Variants in ADORA2B observed in about 807,000 individuals in gnomAD.
ADORA2B encodes adenosine receptor A2b.
ADORA2B carries 18 observed loss-of-function variants against 20.8 expected under a neutral mutation model. That is an observed-to-expected ratio of 0.87 (90% CI 0.60 to 1.29). The LOEUF is 1.29. Among genes scored for constraint, ADORA2B ranks in the 50% most tolerant of loss-of-function variants. The pLI is 0.00. For synonymous variants in ADORA2B, 179 were observed against 178.3 expected (o/e 1.00, Z -0.03); for missense variants, 441 against 422.7 (o/e 1.04, Z -0.38).
the ADORA2B span, among the ~76,000 whole-genome samples, chr17:15,860,606 A>AT: frequency 1.3e-5 from 2 of 152,072 alleles, no homozygotes; most frequent in Non-Finnish European, 2.9e-5. Context: ...ATTCACAATA[A>AT]TTTTTGAACA....
At chr17:15,875,484 A>T in the ADORA2B span, among the ~76,000 whole-genome samples, 1 of 152,214 alleles carries the variant, frequency 6.6e-6, no homozygotes, top group South Asian at 2.1e-4. Context: ...AGTGTCATTC[A>T]TAGATTAGCC....
At chr17:15,957,745 A>C (rs1017426233) in intron 1 of ADORA2B, among the ~76,000 whole-genome samples, 1 of 152,026 alleles carries the variant, frequency 6.6e-6, no homozygotes, top group African/African-American at 2.4e-5. Context: ...ATTCCTGCAC[A>C]GCAGCCTCTT....
chr17:15,870,893 C>T, the ADORA2B span, among the ~76,000 whole-genome samples: 5 of 152,224 alleles, frequency 3.3e-5, no homozygotes, highest in Admixed American at 1.3e-4. Context: ...AGCAGATGCG[C>T]GGCACTGTGG....
At chr17:15,891,751 G>A in the ADORA2B span, among the ~76,000 whole-genome samples, 5 of 151,622 alleles carry the variant, frequency 3.3e-5, no homozygotes, top group South Asian at 6.3e-4. Flanking sequence ...GCGTGATCTC[G>A]GCTCACTGCA....
At chr17:15,914,145 C>A in the ADORA2B span, among the ~76,000 whole-genome samples, 1 of 152,210 alleles carries the variant, frequency 6.6e-6, no homozygotes, top group Non-Finnish European at 1.5e-5. Flanking sequence ...TTCAAACACA[C>A]ATTTTACTCC....
the ADORA2B span, among the ~76,000 whole-genome samples, chr17:15,851,896 C>T: frequency 1.3e-5 from 2 of 152,174 alleles, no homozygotes; most frequent in African/African-American, 2.4e-5. Context: ...CCCACTCATA[C>T]CATGCAAGGT....
chr17:15,851,102 T>C, the ADORA2B span, among the ~76,000 whole-genome samples: 1 of 152,034 alleles, frequency 6.6e-6, no homozygotes, highest in African/African-American at 2.4e-5. Flanking sequence ...TTTAGGTTAC[T>C]TGGGGTAAAC....
At chr17:15,870,180 T>C in the ADORA2B span, among the ~76,000 whole-genome samples, 1 of 148,598 alleles carries the variant, frequency 6.7e-6, no homozygotes, top group Non-Finnish European at 1.5e-5. Flanking sequence ...AAACTGAAAT[T>C]ATTTACAATT....
At chr17:15,891,223 A>C in the ADORA2B span, among the ~76,000 whole-genome samples, 2 of 152,302 alleles carry the variant, frequency 1.3e-5, no homozygotes, top group East Asian at 3.9e-4. Flanking sequence ...CTGAGATTGC[A>C]CCACCTGCAC....
the ADORA2B span, among the ~76,000 whole-genome samples, chr17:15,923,206 A>ATTTTTTTTTT: frequency 9.7e-5 from 11 of 113,496 alleles, 1 homozygote; most frequent in African/African-American, 3.2e-4. Flanking sequence ...TCTTTTTTTA[A>ATTTTTTTTTT]TTTTTTTTTT....
intron 1 of ADORA2B, among the ~76,000 whole-genome samples, chr17:15,959,073 A>G (rs1264578143): frequency 6.6e-6 from 1 of 152,202 alleles, no homozygotes; most frequent in African/African-American, 2.4e-5. Context: ...AGAATCCCAC[A>G]TCGTGTGTCC....
At chr17:15,871,589 G>C in the ADORA2B span, among the ~76,000 whole-genome samples, 1 of 152,180 alleles carries the variant, frequency 6.6e-6, no homozygotes, top group African/African-American at 2.4e-5. Flanking sequence ...GCAAACACGT[G>C]GTTTGTGCTG....
At chr17:15,852,450 A>C in the ADORA2B span, among the ~76,000 whole-genome samples, 6 of 152,142 alleles carry the variant, frequency 3.9e-5, no homozygotes, top group African/African-American at 1.4e-4. Flanking sequence ...CAGAACCTCA[A>C]CTTATAGCCA....
chr17:15,891,252 G>T, the ADORA2B span, among the ~76,000 whole-genome samples: 1 of 152,340 alleles, frequency 6.6e-6, no homozygotes, highest in Admixed American at 6.5e-5. Flanking sequence ...GGGTGACAGA[G>T]TGAGACTCTG....
chr17:15,937,699 A>G, the ADORA2B span, among the ~76,000 whole-genome samples: 9 of 151,840 alleles, frequency 5.9e-5, no homozygotes, highest in Admixed American at 2.6e-4. Flanking sequence ...CAGCCTCCCA[A>G]GTAGTTGGGA....
chr17:15,975,589 G>T lies in ADORA2B; in HGVS notation c.*247G>T, dbSNP rs1970247202. 2.0e-6 allele frequency: 1 copy of T among 498,914 alleles called. No homozygotes were observed. Among genetic ancestry groups the T allele is most frequent in the Non-Finnish European group, 3.5e-6 (1 of 282,488 alleles). The allele number at this position is 498,914 out of a possible 1,614,324, so 30.9% of individuals were successfully genotyped here. On this transcript the variant is annotated 3_prime_UTR_variant, in exon 2 of 2. Coordinates refer to ENST00000304222, the MANE Select transcript of ADORA2B (RefSeq NM_000676.4). ...TGTGGATTATGCCAACAGCTTGAAT[G>T]GATTCTAACAGACTCTTTTGTTTTT...
At chr17:15,920,667 G>A in the ADORA2B span, among the ~76,000 whole-genome samples, 1 of 148,904 alleles carries the variant, frequency 6.7e-6, no homozygotes, top group Non-Finnish European at 1.5e-5. Context: ...GTTGCAGTGA[G>A]CCAAGATCGT....
the ADORA2B span, among the ~76,000 whole-genome samples, chr17:15,925,398 C>G: frequency 6.6e-6 from 1 of 152,118 alleles, no homozygotes; most frequent in Admixed American, 6.6e-5. Context: ...ATCCTGCTAC[C>G]TCAGCCTCCC....
the ADORA2B span, among the ~76,000 whole-genome samples, chr17:15,922,380 A>G: frequency 2.0e-5 from 3 of 152,206 alleles, no homozygotes; most frequent in African/African-American, 7.2e-5. Context: ...TCCAAGACAC[A>G]TTGCTATCAA....
Sources: allele counts gnomAD v4.1 joint callset (sites outside exome capture counted in the v4.1 genomes callset), GRCh38; gene constraint gnomAD v4.1.1; transcripts MANE v1.5; gene names NCBI Gene and HGNC (gene_info 2026-07-23, HGNC 2026-07-21).